The following KCND3 variants were observed in gnomAD, a reference collection of about 807,000 sequenced individuals.
KCND3 encodes A-type voltage-gated potassium channel KCND3.
Under a neutral mutation model 51.1 loss-of-function variants are expected in KCND3, and 9 were observed. The observed-to-expected ratio is 0.18, with a 90% CI of 0.11 to 0.31. KCND3 has a LOEUF of 0.31. Among genes scored for constraint, KCND3 ranks in the 10% least tolerant of loss-of-function variants. The pLI, the probability that KCND3 is intolerant of heterozygous loss-of-function variation, is 1.00. For synonymous variants in KCND3, 349 were observed against 368.0 expected (o/e 0.95, Z 0.59); for missense variants, 526 against 903.8 (o/e 0.58, Z 5.36).
At chr1:111,916,042 G>A (rs1380377308) in intron 2 of KCND3, among the ~76,000 whole-genome samples, 4 of 152,138 alleles carry the variant, frequency 2.6e-5, no homozygotes, top group East Asian at 1.9e-4. Context: ...CAGGAGGGGT[G>A]TAAAAGACTT....
rs535974529 is a variant in KCND3, at chr1:111,821,460, C to T, written c.1107-34354G>A. Among the ~76,000 whole-genome samples the T allele has an allele frequency of 1.2e-3, 186 of 152,258 alleles. 1 individual carries two copies. Among genetic ancestry groups the T allele is most frequent in the Non-Finnish European group, 1.9e-3 (127 of 68,028 alleles). On this transcript the variant is annotated intron_variant, in intron 2 of 7. Coordinates refer to ENST00000302127, the MANE Select transcript of KCND3 (RefSeq NM_001378969.1). ...TATCTTTGGCACCATTAACTGAAGC[C>T]ATTAGAAATGTGCTGGGTCTATGGT...
intron 2 of KCND3, among the ~76,000 whole-genome samples, chr1:111,932,899 C>A (rs1672048618): frequency 6.6e-6 from 1 of 152,154 alleles, no homozygotes; most frequent in Non-Finnish European, 1.5e-5. Context: ...CCAGTCCAGA[C>A]CCAGCCATCT....
At chr1:111,877,790 T>C (rs1358002600) in intron 2 of KCND3, among the ~76,000 whole-genome samples, 1 of 152,206 alleles carries the variant, frequency 6.6e-6, no homozygotes, top group African/African-American at 2.4e-5. Context: ...CCTCTTGAAG[T>C]AAGTTTGGCT....
chr1:111,970,099 C>T (rs555626855), intron 2 of KCND3, among the ~76,000 whole-genome samples: 3 of 152,228 alleles, frequency 2.0e-5, no homozygotes, highest in East Asian at 1.9e-4. Flanking sequence ...TCTCTGCAAC[C>T]TCTGCCTCCC....
chr1:111,918,812 G>A (rs936805917), intron 2 of KCND3, among the ~76,000 whole-genome samples: 11 of 152,124 alleles, frequency 7.2e-5, no homozygotes, highest in African/African-American at 2.7e-4. Context: ...GGATGATGAA[G>A]CAGGCTTTTG....
chr1:111,987,650 CCT>C (rs1263636531), intron 1 of KCND3, among the ~76,000 whole-genome samples: 1 of 152,206 alleles, frequency 6.6e-6, no homozygotes, highest in Non-Finnish European at 1.5e-5. Context: ...GCATTCACCC[CCT>C]GACAGGAGCC....
At chr1:111,964,167 C>A (rs1480822942) in intron 2 of KCND3, among the ~76,000 whole-genome samples, 1 of 152,184 alleles carries the variant, frequency 6.6e-6, no homozygotes, top group African/African-American at 2.4e-5. Context: ...GGAAAGGGGC[C>A]AACAGTCTTC....
At chr1:111,873,369 A>AGGCATGTAATGGTGT (rs1415789571) in intron 2 of KCND3, among the ~76,000 whole-genome samples, 2 of 152,208 alleles carry the variant, frequency 1.3e-5, no homozygotes, top group East Asian at 3.9e-4. Flanking sequence ...CATATTAACA[A>AGGCATGTAATGGTGT]GGCATGTAAT....
chr1:111,889,486 T>A (rs139085032), intron 2 of KCND3, among the ~76,000 whole-genome samples: 160 of 152,262 alleles, frequency 1.1e-3, no homozygotes, highest in African/African-American at 3.7e-3. Flanking sequence ...TAAAGGAAGG[T>A]TCTAGTAAAG....
At position 111,811,052 on chromosome 1, in the gene KCND3, G is replaced by C. The variant is rs182657374; in HGVS notation, c.1107-23946C>G. On this transcript the variant is annotated intron_variant, in intron 2 of 7. Coordinates refer to ENST00000302127, the MANE Select transcript of KCND3 (RefSeq NM_001378969.1). The stretch of plus-strand genomic sequence containing the variant: ...CTGCTGTGGCATCTTCCTGACACCA[G>C]GTCAATGTTCCATTTCATTAGATCT... 3.9e-5 allele frequency among the ~76,000 whole-genome samples: 6 copies of C among 152,324 alleles called. 1 individual carries two copies. In the East Asian group the frequency reaches 1.2e-3, roughly 29 times the overall value.
intron 1 of KCND3, among the ~76,000 whole-genome samples, chr1:111,983,827 G>A (rs1675111448): frequency 6.6e-6 from 1 of 152,124 alleles, no homozygotes; most frequent in Non-Finnish European, 1.5e-5. Context: ...CACTGCATAA[G>A]CACTTCCCCA....
At chr1:111,960,633 A>G (rs1673596794) in intron 2 of KCND3, among the ~76,000 whole-genome samples, 1 of 152,216 alleles carries the variant, frequency 6.6e-6, no homozygotes, top group Non-Finnish European at 1.5e-5. Context: ...GAGGTGGGGT[A>G]GGGGGAGAAA....
At chr1:111,868,083 A>G (rs1205610731) in intron 2 of KCND3, among the ~76,000 whole-genome samples, 1 of 152,250 alleles carries the variant, frequency 6.6e-6, no homozygotes, top group Non-Finnish European at 1.5e-5. Flanking sequence ...TTGCTATTAC[A>G]GTAGTCCCCA....
chr1:111,797,298 A>G (rs973049470), intron 2 of KCND3, among the ~76,000 whole-genome samples: 1 of 152,212 alleles, frequency 6.6e-6, no homozygotes, highest in Non-Finnish European at 1.5e-5. Context: ...CAGACCAGTC[A>G]TGCGTACATG....
chr1:111,894,879 C>T (rs556589007), intron 2 of KCND3, among the ~76,000 whole-genome samples: 98 of 151,186 alleles, frequency 6.5e-4, no homozygotes, highest in African/African-American at 2.3e-3. Context: ...AGAGCAGCAG[C>T]AGAAGGAGGA....
chr1:111,890,010 C>G (rs571209700), intron 2 of KCND3, among the ~76,000 whole-genome samples: 1 of 152,162 alleles, frequency 6.6e-6, no homozygotes, highest in East Asian at 1.9e-4. Flanking sequence ...TCGGGAGGGA[C>G]TAGGAGCAAG....
rs575591272 is a variant in KCND3 at position 111,820,056 on chromosome 1, C to T, written c.1107-32950G>A. On this transcript the variant is annotated intron_variant, in intron 2 of 7. Coordinates refer to ENST00000302127, the MANE Select transcript of KCND3 (RefSeq NM_001378969.1). The stretch of plus-strand genomic sequence containing the variant: ...TTCCAAAAAACATTCATTGGCTCAT[C>T]CACTGCCTATGAATTAAATGCCAAC... Among the ~76,000 whole-genome samples, 5 of 152,336 alleles carry T rather than the reference C, an allele frequency of 3.3e-5. No homozygotes were observed. The South Asian group carries it at 1.0e-3, about 32-fold the overall frequency.
intron 2 of KCND3, among the ~76,000 whole-genome samples, chr1:111,839,137 G>A (rs920973378): frequency 2.0e-5 from 3 of 152,190 alleles, no homozygotes; most frequent in African/African-American, 7.2e-5. Context: ...CGAGAATCTT[G>A]CTTTTTGAAA....
At chr1:111,865,843 T>C (rs1668535757) in intron 2 of KCND3, among the ~76,000 whole-genome samples, 2 of 152,128 alleles carry the variant, frequency 1.3e-5, no homozygotes, top group African/African-American at 4.8e-5. Context: ...TAGCTGAGAC[T>C]ACAGGTATGC....
Sources: gnomAD v4.1 joint callset for allele counts (sites outside exome capture counted in the v4.1 genomes callset) on GRCh38, gnomAD v4.1.1 for gene constraint, MANE v1.5 for transcripts, NCBI Gene and HGNC (gene_info 2026-07-23, HGNC 2026-07-21) for gene names.